CNTN4: variants seen among roughly 807,000 people sequenced by gnomAD.
The protein encoded by CNTN4 is contactin-4.
In CNTN4, 77 loss-of-function variants were observed where a neutral mutation model predicts 122.5. The ratio of observed to expected loss-of-function variants is 0.63; its 90% CI spans 0.52 to 0.76. The LOEUF (loss-of-function observed/expected upper bound fraction) is 0.76. CNTN4 is among the 30% of genes least tolerant of loss of function. The probability of loss-of-function intolerance (pLI) is 0.00; values close to 1 mark genes in which losing one functional copy is unlikely to be tolerated. For missense variants in CNTN4, 1,256 were observed against 1,259.1 expected (o/e 1.00, Z 0.04); for synonymous variants, 512 against 447.0 (o/e 1.15, Z -1.83).
rs1227245254 is a variant in CNTN4, at chr3:2,919,377, A to AC, written c.1208-6250dup. 3.6e-4 allele frequency among the ~76,000 whole-genome samples: 52 copies of AC among 145,680 alleles called. 9 individuals are homozygous for AC. The highest frequency in any genetic ancestry group is 3.3e-4 in the Non-Finnish European group (22 of 67,188). On this transcript the variant is annotated intron_variant, in intron 12 of 24. Transcript: ENST00000418658. ...AGAAAAAAAAAAAAAAAAAAAAAAA[A>AC]CCAGATCGTTGCTTTTTAAAAATTG...
At chr3:2,107,465 C>A (rs2032544851) in intron 2 of CNTN4, among the ~76,000 whole-genome samples, 1 of 152,028 alleles carries the variant, frequency 6.6e-6, no homozygotes, top group Non-Finnish European at 1.5e-5. Context: ...GGAAAATCCC[C>A]TTATAAAACG....
chr3:2,661,185 T>G (rs1297229535), intron 4 of CNTN4, among the ~76,000 whole-genome samples: 1 of 152,218 alleles, frequency 6.6e-6, no homozygotes, highest in Non-Finnish European at 1.5e-5. Flanking sequence ...GGAAATACAC[T>G]AAGCATGATT....
intron 3 of CNTN4, among the ~76,000 whole-genome samples, chr3:2,447,143 C>T (rs1325376705): frequency 3.3e-5 from 5 of 152,126 alleles, no homozygotes; most frequent in Non-Finnish European, 5.9e-5. Context: ...CCAGTCAACA[C>T]ATTACATATA....
chr3:2,773,629 T>A (rs1318047047), intron 6 of CNTN4, among the ~76,000 whole-genome samples: 3 of 152,162 alleles, frequency 2.0e-5, no homozygotes, highest in Non-Finnish European at 4.4e-5. Context: ...AATTCCTTAC[T>A]GTAGACAGAT....
intron 4 of CNTN4, among the ~76,000 whole-genome samples, chr3:2,604,033 A>C (rs1269864049): frequency 6.6e-6 from 1 of 152,142 alleles, no homozygotes; most frequent in Non-Finnish European, 1.5e-5. Flanking sequence ...GTGGAAAGGG[A>C]AATGTGGCAA....
chr3:2,151,308 A>T (rs892165227), intron 2 of CNTN4, among the ~76,000 whole-genome samples: 2 of 152,134 alleles, frequency 1.3e-5, no homozygotes, highest in Non-Finnish European at 2.9e-5. Context: ...AAGAAGGGCG[A>T]AGCATCTATG....
intron 16 of CNTN4, among the ~76,000 whole-genome samples, chr3:3,031,637 G>A (rs765972228): frequency 6.6e-6 from 1 of 151,994 alleles, no homozygotes. Context: ...TCACCAAACC[G>A]GTTGGCAAAG....
chr3:2,729,367 A>T (rs147985499), intron 4 of CNTN4, among the ~76,000 whole-genome samples: 1 of 148,872 alleles, frequency 6.7e-6, no homozygotes, highest in Non-Finnish European at 1.5e-5. Flanking sequence ...GATTGAGACC[A>T]TCCCGGCTAA....
intron 2 of CNTN4, among the ~76,000 whole-genome samples, chr3:2,312,756 T>A (rs2042959680): frequency 6.6e-6 from 1 of 152,104 alleles, no homozygotes; most frequent in South Asian, 2.1e-4. Flanking sequence ...AACCAGTGTT[T>A]CCAGTTGATT....
At chr3:2,785,452 C>T (rs2091774312) in intron 6 of CNTN4, among the ~76,000 whole-genome samples, 1 of 152,132 alleles carries the variant, frequency 6.6e-6, no homozygotes, top group Admixed American at 6.5e-5. Context: ...AGTTGGGGGG[C>T]AGTCTACCTT....
At chr3:2,850,481 G>C (rs2093531130) in intron 7 of CNTN4, among the ~76,000 whole-genome samples, 2 of 152,140 alleles carry the variant, frequency 1.3e-5, no homozygotes, top group African/African-American at 4.8e-5. Context: ...GGTTAGGACA[G>C]ATACCATCAC....
chr3:2,709,322 A>T lies in CNTN4; in HGVS notation c.56-26893A>T, dbSNP rs1255822127. ...CAGTGTGATTCTCAACCTTGGCTGCATATTAGAATCATCTGGGGGTCCTTA... is the reference window on the plus strand; with the variant it reads ...CAGTGTGATTCTCAACCTTGGCTGCTTATTAGAATCATCTGGGGGTCCTTA... On this transcript the variant is annotated intron_variant, in intron 4 of 24. Coordinates refer to ENST00000418658, the MANE Select transcript of CNTN4 (RefSeq NM_175607.3). The surrounding 1 kb of genome is among the most constrained non-coding windows in gnomAD (Gnocchi z 5.0). Among the ~76,000 whole-genome samples, 1 of 152,206 alleles carries T rather than the reference A, an allele frequency of 6.6e-6. No homozygotes were observed. Among genetic ancestry groups the T allele is most frequent in the African/African-American group, 2.4e-5 (1 of 41,458 alleles).
rs1407069225 is a variant in CNTN4, at chr3:2,365,874, A to G, written c.-89+26641A>G. 2.0e-5 allele frequency among the ~76,000 whole-genome samples: 3 copies of G among 152,352 alleles called. No individual in the cohort carries two copies. In the East Asian group the frequency reaches 5.8e-4, roughly 29 times the overall value. ...CAGAAGTCTGTCTATGTTGGGTTTG[A>G]TGAAAAGAGGGTAAAATGTTTTATT... On this transcript the variant is annotated intron_variant, in intron 3 of 24. Transcript: ENST00000418658.
chr3:2,586,454 G>A (rs2080209828), intron 4 of CNTN4, among the ~76,000 whole-genome samples: 1 of 152,042 alleles, frequency 6.6e-6, no homozygotes, highest in Non-Finnish European at 1.5e-5. Context: ...CACCACACCT[G>A]GCTAGTTTTT....
At chr3:2,341,064 T>C (rs1028679255) in intron 3 of CNTN4, among the ~76,000 whole-genome samples, 4 of 152,072 alleles carry the variant, frequency 2.6e-5, no homozygotes, top group Admixed American at 1.3e-4. Flanking sequence ...ATACTCTGAG[T>C]GTCCTCAAGC....
chr3:2,125,255 G>T (rs1423499579), intron 2 of CNTN4, among the ~76,000 whole-genome samples: 1 of 151,692 alleles, frequency 6.6e-6, no homozygotes, highest in Non-Finnish European at 1.5e-5. Context: ...TTAGCATACT[G>T]TCTTCCAGGT....
intron 3 of CNTN4, among the ~76,000 whole-genome samples, chr3:2,569,498 A>G (rs912573856): frequency 2.6e-5 from 4 of 152,194 alleles, no homozygotes; most frequent in South Asian, 2.1e-4. Flanking sequence ...ATAAATATAT[A>G]CAATTATTAT....
intron 4 of CNTN4, among the ~76,000 whole-genome samples, chr3:2,618,931 C>G (rs1301778316): frequency 6.6e-6 from 1 of 152,156 alleles, no homozygotes. Flanking sequence ...GATCTTCCAA[C>G]AGATCATTGC....
At chr3:3,001,865 T>A (rs2125405727) in intron 14 of CNTN4, among the ~76,000 whole-genome samples, 1 of 152,324 alleles carries the variant, frequency 6.6e-6, no homozygotes, top group East Asian at 1.9e-4. Flanking sequence ...AATCTGCATT[T>A]CACTCCCATA....
Sources: gnomAD v4.1 joint callset for allele counts (sites outside exome capture counted in the v4.1 genomes callset) on GRCh38, gnomAD v4.1.1 for gene constraint, Gnocchi (gnomAD v3.1) non-coding constraint, MANE v1.5 for transcripts, NCBI Gene and HGNC (gene_info 2026-07-23, HGNC 2026-07-21) for gene names.